The following DPP10 variants were observed in gnomAD, a reference collection of about 807,000 sequenced individuals.
DPP10 encodes the protein dipeptidyl peptidase like 10, also known as inactive dipeptidyl peptidase 10.
DPP10 carries 33 observed loss-of-function variants against 120.9 expected under a neutral mutation model. That is an observed-to-expected ratio of 0.27 (90% CI 0.21 to 0.37). The LOEUF is 0.37. DPP10 is among the 10% of genes least tolerant of loss of function. The pLI is 1.00. For synonymous variants in DPP10, 337 were observed against 326.1 expected, an observed-to-expected ratio of 1.03 and a Z score of -0.36; for missense variants, 816 against 942.8, an observed-to-expected ratio of 0.87 and a Z score of 1.76.
chr2:115,418,403 G>T (rs1361078576), intron 3 of DPP10, among the ~76,000 whole-genome samples: 1 of 152,144 alleles, frequency 6.6e-6, no homozygotes, highest in Non-Finnish European at 1.5e-5. Flanking sequence ...AGAGAGTGAA[G>T]AGTGAGAGAC....
chr2:115,555,172 C>A (rs2149022215), intron 5 of DPP10, among the ~76,000 whole-genome samples: 1 of 152,106 alleles, frequency 6.6e-6, no homozygotes, highest in Admixed American at 6.6e-5. Context: ...GAATCAAGAG[C>A]AAAAATTCAT....
chr2:115,441,714 A>C (rs2072063022), intron 3 of DPP10, among the ~76,000 whole-genome samples: 1 of 151,972 alleles, frequency 6.6e-6, no homozygotes, highest in African/African-American at 2.4e-5. Flanking sequence ...ATACATGTGG[A>C]GGGACAGACC....
chr2:114,975,884 C>T lies in DPP10; in HGVS notation c.61-333355C>T, dbSNP rs139410914. Among the ~76,000 whole-genome samples the T allele has an allele frequency of 3.2e-3, 483 of 152,238 alleles. 1 individual carries two copies. The highest frequency in any genetic ancestry group is 0.011 in the African/African-American group (472 of 41,528). On this transcript the variant is annotated intron_variant, in intron 1 of 25. Coordinates refer to ENST00000410059, the MANE Select transcript of DPP10 (RefSeq NM_020868.6). The stretch of plus-strand genomic sequence containing the variant: ...CAGGCTGGTCTCAAACTCCTGACCT[C>T]AAGTGGTCCACCCACCTTGGCCTCC...
intron 1 of DPP10, among the ~76,000 whole-genome samples, chr2:114,670,947 A>T (rs569053253): frequency 6.6e-6 from 1 of 152,204 alleles, no homozygotes; most frequent in Admixed American, 6.5e-5. Flanking sequence ...CTACCATTTA[A>T]TTCTGTTTTA....
At chr2:115,593,625 T>G (rs1470947641) in intron 5 of DPP10, among the ~76,000 whole-genome samples, 2 of 152,120 alleles carry the variant, frequency 1.3e-5, no homozygotes, top group African/African-American at 4.8e-5. Flanking sequence ...GAATTCAGAA[T>G]TCAGACTAAA....
intron 2 of DPP10, among the ~76,000 whole-genome samples, chr2:115,337,661 TAAAAAA>T (rs11458121): frequency 3.9e-4 from 28 of 71,686 alleles, no homozygotes; most frequent in African/African-American, 1.2e-3. Flanking sequence ...AGGCTGCTCA[TAAAAAA>T]AAAAAAAAAA....
chr2:114,867,070 A>G (rs1335454627), intron 1 of DPP10, among the ~76,000 whole-genome samples: 1 of 152,212 alleles, frequency 6.6e-6, no homozygotes, highest in Non-Finnish European at 1.5e-5. Context: ...AACATGAAAT[A>G]CAGGACTCAT....
chr2:115,240,017 G>A (rs2105558178), intron 1 of DPP10, among the ~76,000 whole-genome samples: 1 of 152,326 alleles, frequency 6.6e-6, no homozygotes, highest in East Asian at 1.9e-4. Context: ...GGACATTAGA[G>A]TTGGTTCCAA....
intron 9 of DPP10, among the ~76,000 whole-genome samples, 194 bp downstream of exon 9, chr2:115,740,087 A>G (rs970127361): frequency 6.6e-6 from 1 of 152,094 alleles, no homozygotes; most frequent in Non-Finnish European, 1.5e-5. Flanking sequence ...AGATGATTTG[A>G]AAGTGTGTGA....
intron 3 of DPP10, among the ~76,000 whole-genome samples, chr2:115,353,745 C>T (rs978312029): frequency 3.9e-5 from 6 of 152,140 alleles, no homozygotes; most frequent in Non-Finnish European, 8.8e-5. Flanking sequence ...ACATGAGTAA[C>T]TTGAGAAGCA....
chr2:115,585,683 T>A (rs1053890695), intron 5 of DPP10, among the ~76,000 whole-genome samples: 2 of 152,178 alleles, frequency 1.3e-5, no homozygotes, highest in East Asian at 3.9e-4. Flanking sequence ...TTCCCTACCA[T>A]TTCCATTTTC....
At chr2:114,531,104 T>C (rs957637628) in intron 1 of DPP10, among the ~76,000 whole-genome samples, 2 of 152,146 alleles carry the variant, frequency 1.3e-5, no homozygotes, top group Non-Finnish European at 2.9e-5. Context: ...GTTTGCACCC[T>C]AGACTGGAAT....
intron 1 of DPP10, among the ~76,000 whole-genome samples, chr2:115,230,608 T>A: frequency 6.6e-6 from 1 of 152,062 alleles, no homozygotes; most frequent in East Asian, 1.9e-4. Context: ...ATTTATTAAA[T>A]TATTTGTAAA....
chr2:115,275,960 C>A (rs1025646018), intron 1 of DPP10, among the ~76,000 whole-genome samples: 1 of 152,126 alleles, frequency 6.6e-6, no homozygotes, highest in Non-Finnish European at 1.5e-5. Context: ...CTCGGCCTCC[C>A]AAAGTGCTGG....
intron 1 of DPP10, among the ~76,000 whole-genome samples, chr2:115,100,989 T>A (rs2048666030): frequency 6.6e-6 from 1 of 152,176 alleles, no homozygotes; most frequent in South Asian, 2.1e-4. Flanking sequence ...CAGTTGTTTT[T>A]TAGGGTCACT....
At chr2:115,682,862 G>A (rs913416021) in intron 5 of DPP10, among the ~76,000 whole-genome samples, 6 of 151,786 alleles carry the variant, frequency 4.0e-5, no homozygotes, top group Non-Finnish European at 7.4e-5. Flanking sequence ...TTTCAGTTCA[G>A]AGGAAATACA....
intron 3 of DPP10, among the ~76,000 whole-genome samples, chr2:115,427,729 C>A (rs1435510674): frequency 6.6e-6 from 1 of 152,172 alleles, no homozygotes; most frequent in Non-Finnish European, 1.5e-5. Context: ...GCACTTGACT[C>A]CCTTTTAGTT....
intron 3 of DPP10, among the ~76,000 whole-genome samples, chr2:115,443,308 G>A (rs937391317): frequency 2.6e-5 from 4 of 152,160 alleles, no homozygotes; most frequent in Non-Finnish European, 4.4e-5. Flanking sequence ...TTCTCTGAAT[G>A]TGAAAAGCCT....
intron 21 of DPP10, among the ~76,000 whole-genome samples, chr2:115,819,090 C>T (rs767457738): frequency 3.3e-5 from 5 of 152,034 alleles, no homozygotes; most frequent in South Asian, 4.1e-4. Context: ...CCTCATAAAA[C>T]GGGTTGGAAA....
Sources: gnomAD v4.1 joint callset for allele counts (sites outside exome capture counted in the v4.1 genomes callset) on GRCh38, gnomAD v4.1.1 for gene constraint, MANE v1.5 for transcripts, NCBI Gene and HGNC (gene_info 2026-07-23, HGNC 2026-07-21) for gene names.